The following NCAM1 variants were observed in gnomAD, a reference collection of about 807,000 sequenced individuals.
NCAM1 encodes the protein antigen recognized by monoclonal antibody 5.1H11.
NCAM1 carries 14 observed loss-of-function variants against 109.8 expected under a neutral mutation model. The observed-to-expected ratio is 0.13, with a 90% CI of 0.08 to 0.20. The LOEUF (loss-of-function observed/expected upper bound fraction) is 0.20, where lower values mean the gene tolerates loss of function less well. Among genes scored for constraint, NCAM1 ranks in the 10% least tolerant of loss-of-function variants. The pLI is 1.00. For missense variants in NCAM1, 774 were observed against 1,109.9 expected, an observed-to-expected ratio of 0.70 and a Z score of 4.30; for synonymous variants, 418 against 442.9, an observed-to-expected ratio of 0.94 and a Z score of 0.70.
intron 7 of NCAM1, among the ~76,000 whole-genome samples, chr11:113,211,325 A>T (rs545247917): frequency 6.6e-6 from 1 of 152,360 alleles, no homozygotes; most frequent in African/African-American, 2.4e-5. Context: ...AAAAGCCCAG[A>T]AGTCCTGTGG....
At chr11:112,986,112 A>C (rs1217313019) in intron 1 of NCAM1, among the ~76,000 whole-genome samples, 1 of 151,984 alleles carries the variant, frequency 6.6e-6, no homozygotes, top group African/African-American at 2.4e-5. Flanking sequence ...GAGAGTTTTT[A>C]ATCACAAAAG....
chr11:113,215,507 A>G (rs1295278799), intron 8 of NCAM1, among the ~76,000 whole-genome samples: 3 of 152,200 alleles, frequency 2.0e-5, no homozygotes, highest in African/African-American at 7.2e-5. Context: ...ATCTCTAGAG[A>G]GAGTAAACTC....
chr11:113,155,165 A>G (rs1222604878), intron 1 of NCAM1, among the ~76,000 whole-genome samples: 1 of 152,186 alleles, frequency 6.6e-6, no homozygotes, highest in Admixed American at 6.5e-5. Context: ...AAGGAGAGGA[A>G]CTGGAAGAAT....
chr11:113,108,712 A>AT (rs1391332828), intron 1 of NCAM1, among the ~76,000 whole-genome samples: 42 of 149,592 alleles, frequency 2.8e-4, no homozygotes, highest in Non-Finnish European at 2.2e-4. Flanking sequence ...ATTGCTTTTT[A>AT]TTTTTTTAAT....
chr11:113,050,167 AT>A (rs1362795780), intron 1 of NCAM1, among the ~76,000 whole-genome samples: 1 of 152,044 alleles, frequency 6.6e-6, no homozygotes, highest in Non-Finnish European at 1.5e-5. Context: ...CAGAAAGAGA[AT>A]TAATGACTGA....
At chr11:112,976,370 A>C (rs1400431351) in intron 1 of NCAM1, among the ~76,000 whole-genome samples, 2 of 151,960 alleles carry the variant, frequency 1.3e-5, no homozygotes, top group African/African-American at 4.8e-5. Context: ...GGAACAAATA[A>C]ATCAATTTTT....
chr11:113,102,131 C>T (rs1555091650), intron 1 of NCAM1, among the ~76,000 whole-genome samples: 1 of 151,948 alleles, frequency 6.6e-6, no homozygotes, highest in Non-Finnish European at 1.5e-5. Flanking sequence ...TGTATAATGT[C>T]GAGAATAATC....
intron 1 of NCAM1, among the ~76,000 whole-genome samples, chr11:113,114,760 C>G (rs1286565410): frequency 1.3e-5 from 2 of 152,198 alleles, no homozygotes; most frequent in African/African-American, 4.8e-5. Flanking sequence ...TAACCTTTTA[C>G]TCAGCTAGTC....
chr11:113,169,036 CTGTGTGTG>C (rs10562516), intron 1 of NCAM1, among the ~76,000 whole-genome samples: 1,804 of 146,834 alleles, frequency 0.012, 28 homozygotes, highest in East Asian at 0.046. Flanking sequence ...CTTCCTCTTT[CTGTGTGTG>C]TGTGTGTGTG....
At chr11:113,052,865 G>A (rs782431941) in intron 1 of NCAM1, among the ~76,000 whole-genome samples, 19 of 151,790 alleles carry the variant, frequency 1.3e-4, no homozygotes, top group Non-Finnish European at 1.9e-4. Context: ...CCCACCCCCC[G>A]ACAGGGCCCG....
chr11:113,234,922 C>T lies in NCAM1; in HGVS notation c.1694-111C>T, dbSNP rs1555117952. On this transcript the variant is annotated intron_variant, in intron 13 of 19. Transcript: ENST00000316851. ...TATGCCCAGAAATAGAATTGCTGGA[C>T]CAAATGATAAATCTACAGTTAATTT... The T allele has an allele frequency of 3.0e-6, 4 of 1,351,672 alleles. No homozygotes were observed. The Admixed American group carries it at 8.1e-5, about 27-fold the overall frequency. The allele number at this position is 1,351,672 out of a possible 1,614,324, so 83.7% of individuals were successfully genotyped here.
chr11:112,980,572 G>T (rs889836395), intron 1 of NCAM1, among the ~76,000 whole-genome samples: 19 of 151,882 alleles, frequency 1.3e-4, no homozygotes, highest in African/African-American at 4.6e-4. Flanking sequence ...CTCCTTAATT[G>T]TGTTAGCTGT....
At position 112,968,476 on chromosome 11, in the gene NCAM1, A is replaced by G. The variant is rs576307885; in HGVS notation, c.52+6812A>G. On this transcript the variant is annotated intron_variant, in intron 1 of 19. Coordinates refer to ENST00000316851, the MANE Select transcript of NCAM1 (RefSeq NM_181351.5). ...ATATAATACCAATAATTATATCTTAATCATCACGTTATGGTTTACAAAACA... is the reference window on the plus strand; with the variant it reads ...ATATAATACCAATAATTATATCTTAGTCATCACGTTATGGTTTACAAAACA... Among the ~76,000 whole-genome samples the G allele has an allele frequency of 2.0e-5, 3 of 152,338 alleles. No homozygotes were observed. In the South Asian group the frequency reaches 6.2e-4, roughly 32 times the overall value.
intron 1 of NCAM1, among the ~76,000 whole-genome samples, chr11:113,174,207 G>T (rs1943080781): frequency 6.6e-6 from 1 of 152,098 alleles, no homozygotes; most frequent in Non-Finnish European, 1.5e-5. Flanking sequence ...CTACAGAAAA[G>T]ACCCACATAG....
intron 1 of NCAM1, among the ~76,000 whole-genome samples, chr11:113,104,302 T>C (rs1326439993): frequency 2.0e-5 from 3 of 151,576 alleles, no homozygotes; most frequent in Non-Finnish European, 4.4e-5. Flanking sequence ...AACAGTGATT[T>C]ATACTGCCCT....
At chr11:113,160,186 C>T (rs1942553070) in intron 1 of NCAM1, among the ~76,000 whole-genome samples, 1 of 152,190 alleles carries the variant, frequency 6.6e-6, no homozygotes, top group African/African-American at 2.4e-5. Context: ...GCAGGCCCTG[C>T]TGAGCTTCCT....
intron 1 of NCAM1, among the ~76,000 whole-genome samples, chr11:113,177,668 G>A (rs1555107292): frequency 6.6e-6 from 1 of 152,056 alleles, no homozygotes; most frequent in Admixed American, 6.6e-5. Context: ...CCCGACCTCA[G>A]GTGATCCCCC....
intron 1 of NCAM1, among the ~76,000 whole-genome samples, chr11:113,189,509 A>G (rs1419586669): frequency 6.6e-6 from 1 of 151,876 alleles, no homozygotes; most frequent in Admixed American, 6.6e-5. Context: ...TCTTCCTAGA[A>G]GGAGACTTAG....
chr11:113,267,376 TAGAAG>T (rs1289106954), intron 17 of NCAM1, among the ~76,000 whole-genome samples: 1 of 151,584 alleles, frequency 6.6e-6, no homozygotes, highest in Non-Finnish European at 1.5e-5. Flanking sequence ...AGATAGTAGT[TAGAAG>T]AGAATAAAAC....
Sources: allele counts gnomAD v4.1 joint callset (sites outside exome capture counted in the v4.1 genomes callset), GRCh38; gene constraint gnomAD v4.1.1; transcripts MANE v1.5; gene names NCBI Gene and HGNC (gene_info 2026-07-23, HGNC 2026-07-21).